ZNF513: variants seen among roughly 807,000 people sequenced by gnomAD.
ZNF513 encodes the protein zinc finger protein 513.
A neutral mutation model predicts 39.7 loss-of-function variants in ZNF513; 16 were observed. The ratio of observed to expected loss-of-function variants is 0.40; its 90% CI spans 0.27 to 0.61. The LOEUF is 0.61. Among genes scored for constraint, ZNF513 ranks in the 20% least tolerant of loss-of-function variants. The probability of loss-of-function intolerance (pLI) is 0.39; values close to 1 mark genes in which losing one functional copy is unlikely to be tolerated. For synonymous variants in ZNF513, 348 were observed against 296.5 expected, an observed-to-expected ratio of 1.17 and a Z score of -1.79; for missense variants, 699 against 743.6, an observed-to-expected ratio of 0.94 and a Z score of 0.70.
At position 27,377,362 on chromosome 2, in the gene ZNF513, CACTG is replaced by C; in HGVS notation, c.*179_*182del. ...GTGGAGGTGAATACAGGGCCCTTCT[CACTG>C]AGCTCGTGAAGTGCCTCAGTCAAGG... On this transcript the variant is annotated 3_prime_UTR_variant, in exon 4 of 4. Coordinates refer to ENST00000323703, the MANE Select transcript of ZNF513 (RefSeq NM_144631.6). This position sits in a 1 kb window ranked among gnomAD's most constrained non-coding sequence, Gnocchi z 4.4. 1 of 729,696 alleles carries C rather than the reference CACTG, an allele frequency of 1.4e-6. No individual in the cohort carries two copies. The highest frequency in any genetic ancestry group is 2.7e-5 in the East Asian group (1 of 37,418). 45.2% of individuals were successfully genotyped at this position (729,696 alleles called of 1,614,324 possible).
chr2:27,378,433 T>A lies in ZNF513; in HGVS notation c.799+34A>T. On this transcript the variant is annotated intron_variant, in intron 3 of 3. Coordinates refer to ENST00000323703, the MANE Select transcript of ZNF513 (RefSeq NM_144631.6). The surrounding 1 kb of genome is among the most constrained non-coding windows in gnomAD (Gnocchi z 8.0). Reference sequence around the variant, plus strand: ...AAGCATTCCTAGGGTCAGCCACCCATGTCCCAAGATCTTTGGTCCCTGGTG... The same window carrying A: ...AAGCATTCCTAGGGTCAGCCACCCAAGTCCCAAGATCTTTGGTCCCTGGTG... 1 of 1,613,600 alleles carries A rather than the reference T, an allele frequency of 6.2e-7. No individual in the cohort carries two copies. Among genetic ancestry groups the A allele is most frequent in the Non-Finnish European group, 8.5e-7 (1 of 1,179,988 alleles).
chr2:27,379,142 G>C, intron 2 of ZNF513, 88 bp from the exon 3 acceptor site: 1 of 1,317,240 alleles, frequency 7.6e-7, no homozygotes, highest in Non-Finnish European at 1.1e-6. Flanking sequence ...CTCCCCACTT[G>C]CTTGGCTCCA....
chr2:27,378,097 T>G lies in ZNF513; in HGVS notation c.1074A>C (p.Lys358Asn). ...AGGGGCAGAGGCTACAGGCAAAGCC[T>G]TTGTCACTGGGGCCCTGGGGCCCCC... The part of the protein sequence containing the change: ...ASGGPQGPSD[K>N]GFACSLCPFA... Residue 358 changes from lysine to asparagine, a missense_variant, in exon 4 of 4, where the codon AAA (lysine) becomes AAC (asparagine). This residue lies in a region of ZNF513 where 530 missense variants were observed against 499.3 expected (regional missense o/e 1.06). Transcript: ENST00000323703. This position sits in a 1 kb window ranked among gnomAD's most constrained non-coding sequence, Gnocchi z 8.0. 1 of 1,613,412 alleles carries G rather than the reference T, an allele frequency of 6.2e-7. No homozygotes were observed. Among genetic ancestry groups the G allele is most frequent in the African/African-American group, 1.3e-5 (1 of 74,986 alleles).
chr2:27,378,953 C>G lies in ZNF513; in HGVS notation c.313G>C (p.Ala105Pro). The part of the protein sequence containing the change: ...LSAESEVEEP[A>P]RGPGEARGER... ...CCCCTGGCCTCCCCTGGACCCCTGG[C>G]TGGCTCCTCAACTTCACTCTCCGCA... Residue 105 changes from alanine (A) to proline (P), a missense_variant, in exon 3 of 4, where the codon GCC becomes CCC. By Grantham distance (27) the Ala-to-Pro change is conservative. Around this residue, in one of 3 missense-constraint regions of ZNF513, gnomAD observed 530 missense variants for 499.3 expected, o/e 1.06. Coordinates refer to ENST00000323703, the MANE Select transcript of ZNF513 (RefSeq NM_144631.6). The surrounding 1 kb of genome is among the most constrained non-coding windows in gnomAD (Gnocchi z 8.0). The G allele has an allele frequency of 6.2e-7, 1 of 1,611,826 alleles. No homozygotes were observed. Among genetic ancestry groups the G allele is most frequent in the South Asian group, 1.1e-5 (1 of 90,988 alleles).
intron 2 of ZNF513, 34 bp downstream of exon 2, chr2:27,380,053 CCAGCGG>C (rs1358559178): frequency 1.2e-6 from 2 of 1,613,676 alleles, no homozygotes. Flanking sequence ...GCTGGGGTCT[CCAGCGG>C]CCGCTAATCC....
Position 27,378,841 on chromosome 2 carries a change from G to A in ZNF513, c.425C>T (p.Pro142Leu), listed in dbSNP as rs200722611. 1.7e-5 allele frequency: 27 copies of A among 1,609,122 alleles called. No individual in the cohort carries two copies. The highest frequency in any genetic ancestry group is 1.7e-6 in the Non-Finnish European group (2 of 1,177,732). Residue 142 changes from proline to leucine, a missense_variant, in exon 3 of 4, where the codon CCC (proline) becomes CTC (leucine). Physicochemically the swap from Pro to Leu is moderately conservative, Grantham distance 98. Around this residue, in one of 3 missense-constraint regions of ZNF513, gnomAD observed 530 missense variants for 499.3 expected, o/e 1.06. Coordinates refer to ENST00000323703, the MANE Select transcript of ZNF513 (RefSeq NM_144631.6). The surrounding 1 kb of genome is among the most constrained non-coding windows in gnomAD (Gnocchi z 8.0). ...CCGAGGPGGG[P>L]LLPPRLLYSC... ...GTACAGTAGCCGTGGGGGCAGCAGG[G>A]GCCCCCCACCCGGCCCTCCTGCCCC...
At position 27,377,423 on chromosome 2, in the gene ZNF513, CCCATGGGGTTGGGCTGGTCCT is replaced by C; in HGVS notation, c.*101_*121del. On this transcript the variant is annotated 3_prime_UTR_variant, in exon 4 of 4. Transcript: ENST00000323703. The surrounding 1 kb of genome is among the most constrained non-coding windows in gnomAD (Gnocchi z 4.4). ...CCCCTGGTCCATATGGGCCCCCCCG[CCCATGGGGTTGGGCTGGTCCT>C]TATAGTGCCTACGTTAGTCTGTGTG... 9.0e-7 allele frequency: 1 copy of C among 1,110,544 alleles called. No individual in the cohort carries two copies. The highest frequency in any genetic ancestry group is 1.9e-5 in the Admixed American group (1 of 51,312). 68.8% of individuals were successfully genotyped at this position (1,110,544 alleles called of 1,614,324 possible).
rs755996916 is a variant in ZNF513 at position 27,378,295 on chromosome 2, C to T, written c.876G>A (p.Leu292=). 6.9e-6 allele frequency: 11 copies of T among 1,600,786 alleles called. No individual in the cohort carries two copies. The highest frequency in any genetic ancestry group is 9.3e-6 in the Non-Finnish European group (11 of 1,179,964). Reference sequence around the variant, plus strand: ...CGCAGAGGCCCTCCCCTTCACCCCGCAGCTGCCCACAGTCTGGCAGGAAAC... The same window carrying T: ...CGCAGAGGCCCTCCCCTTCACCCCGTAGCTGCCCACAGTCTGGCAGGAAAC... ...GASFLPDCGQ[L]RGEGEGLCGT... is the part of the protein sequence containing the mutation. The change falls in exon 4 of 4, where the codon CTG becomes CTA. Residue 292 remains leucine, a synonymous_variant. Coordinates refer to ENST00000323703, the MANE Select transcript of ZNF513 (RefSeq NM_144631.6). The surrounding 1 kb of genome is among the most constrained non-coding windows in gnomAD (Gnocchi z 8.0).
At chr2:27,379,941 G>T in intron 2 of ZNF513, 152 bp downstream of exon 2, 1 of 1,034,756 alleles carries the variant, frequency 9.7e-7, no homozygotes, top group Non-Finnish European at 1.5e-6. Flanking sequence ...GAAGTGATTG[G>T]ACCATTAAAC....
chr2:27,378,697 A>G lies in ZNF513; in HGVS notation c.569T>C (p.Leu190Pro). The change falls in exon 3 of 4, where the codon CTC (leucine) becomes CCC (proline). Residue 190 changes from leucine to proline, a missense_variant. By Grantham distance (98) the Leu-to-Pro change is moderately conservative. Coordinates refer to ENST00000323703, the MANE Select transcript of ZNF513 (RefSeq NM_144631.6). This position sits in a 1 kb window ranked among gnomAD's most constrained non-coding sequence, Gnocchi z 8.0. ...CGRCPYASAQ[L>P]VNLTRHTRTH... is the part of the protein sequence containing the mutation. The stretch of plus-strand genomic sequence containing the variant: ...GCGGGTATGTCGTGTCAGGTTGACG[A>G]GCTGGGCTGAGGCGTAGGGGCAGCG... The G allele has an allele frequency of 6.2e-7, 1 of 1,613,822 alleles. No individual in the cohort carries two copies. Among genetic ancestry groups the G allele is most frequent in the Non-Finnish European group, 8.5e-7 (1 of 1,179,946 alleles).
Position 27,380,488 on chromosome 2 carries a change from T to C in ZNF513, c.39A>G (p.Lys13=), listed in dbSNP as rs1373956272. 4 of 1,553,206 alleles carry C rather than the reference T, an allele frequency of 2.6e-6. No homozygotes were observed. Among genetic ancestry groups the C allele is most frequent in the Non-Finnish European group, 3.5e-6 (4 of 1,138,396 alleles). ...ACCCCTGACCTTTGACCCCCTCGCA[T>C]TTCACGGGCTGCGGGTGGCTTTGCT... ...RRKQSHPQPV[K]CEGVKVDTED... The change falls in exon 1 of 4, where the codon AAA becomes AAG. Residue 13 remains lysine (K), a synonymous_variant. Transcript: ENST00000323703.
Position 27,378,876 on chromosome 2 carries a change from C to T in ZNF513, c.390G>A (p.Gly130=). 6.2e-7 allele frequency: 1 copy of T among 1,603,380 alleles called. No homozygotes were observed. The highest frequency in any genetic ancestry group is 1.1e-5 in the South Asian group (1 of 90,210). The change falls in exon 3 of 4, where the codon GGG becomes GGA. Residue 130 remains glycine, a synonymous_variant. Transcript: ENST00000323703. The surrounding 1 kb of genome is among the most constrained non-coding windows in gnomAD (Gnocchi z 8.0). Reference sequence around the variant, plus strand: ...CCGGCCCTCCTGCCCCACAACACGGCCCCTCACCTGTCGGCCCCCCACACA... The same window carrying T: ...CCGGCCCTCCTGCCCCACAACACGGTCCCTCACCTGTCGGCCCCCCACACA... The part of the protein sequence containing the change: ...CQLCGGPTGE[G]PCCGAGGPGG...
intron 1 of ZNF513, 48 bp downstream of exon 1, chr2:27,380,424 A>G (rs757609441): frequency 6.4e-7 from 1 of 1,574,086 alleles, no homozygotes; most frequent in Non-Finnish European, 8.6e-7. Context: ...AGCCCACTCC[A>G]CTGACCCCAC....
At position 27,377,503 on chromosome 2, in the gene ZNF513, TTCTGGTCCG is replaced by T; in HGVS notation, c.*33_*41del. The T allele has an allele frequency of 6.2e-7, 1 of 1,607,288 alleles. No individual in the cohort carries two copies. The highest frequency in any genetic ancestry group is 8.5e-7 in the Non-Finnish European group (1 of 1,174,670). On this transcript the variant is annotated 3_prime_UTR_variant, in exon 4 of 4. Transcript: ENST00000323703. The surrounding 1 kb of genome is among the most constrained non-coding windows in gnomAD (Gnocchi z 4.4). ...GGCCAGCGGGGGAGAAAAAGGTGGC[TTCTGGTCCG>T]TCTGTATAAAACATGGGGAAGAAGG...
rs1224523183 is a variant in ZNF513 at position 27,377,796 on chromosome 2, G to T, written c.1375C>A (p.Leu459Ile). Residue 459 changes from leucine to isoleucine, a missense_variant, in exon 4 of 4, where the codon CTC (leucine) becomes ATC (isoleucine). By Grantham distance (5) the Leu-to-Ile change is conservative (BLOSUM62 2). Coordinates refer to ENST00000323703, the MANE Select transcript of ZNF513 (RefSeq NM_144631.6). This position sits in a 1 kb window ranked among gnomAD's most constrained non-coding sequence, Gnocchi z 4.4. ...CNYSCNQSMN[L>I]KRHMLRHTGE... The stretch of plus-strand genomic sequence containing the variant: ...GTGTGCCGCAGCATGTGACGTTTGA[G>T]GTTCATGCTCTGGTTGCAGCTGTAG... The T allele has an allele frequency of 6.2e-7, 1 of 1,614,242 alleles. No homozygotes were observed. The highest frequency in any genetic ancestry group is 1.1e-5 in the South Asian group (1 of 91,088).
Position 27,377,299 on chromosome 2 carries a change from C to A in ZNF513, c.*246G>T. On this transcript the variant is annotated 3_prime_UTR_variant, in exon 4 of 4. Coordinates refer to ENST00000323703, the MANE Select transcript of ZNF513 (RefSeq NM_144631.6). The surrounding 1 kb of genome is among the most constrained non-coding windows in gnomAD (Gnocchi z 4.4). ...TTAAATAAACAGGTGGGAGGCTGGG[C>A]AGTCCCCCAGCCGGTTTGTCCACAG... 3.1e-6 allele frequency: 2 copies of A among 643,342 alleles called. No individual in the cohort carries two copies. Among genetic ancestry groups the A allele is most frequent in the South Asian group, 1.7e-5 (1 of 59,292 alleles). 39.9% of individuals were successfully genotyped at this position (643,342 alleles called of 1,614,324 possible). A position where few individuals can be genotyped will look rare whatever the true frequency, so the allele number is the denominator to read the frequency against.
In ZNF513 at chr2:27,378,425, G is replaced by T; in HGVS notation, c.799+42C>A. ...TCCAATCCAAGCATTCCTAGGGTCA[G>T]CCACCCATGTCCCAAGATCTTTGGT... is the stretch of plus-strand genomic sequence containing the variant. On this transcript the variant is annotated intron_variant, in intron 3 of 3. Transcript: ENST00000323703. This position sits in a 1 kb window ranked among gnomAD's most constrained non-coding sequence, Gnocchi z 8.0. The T allele has an allele frequency of 3.1e-6, 5 of 1,613,008 alleles. No homozygotes were observed. Among genetic ancestry groups the T allele is most frequent in the Non-Finnish European group, 4.2e-6 (5 of 1,179,926 alleles).
Position 27,378,996 on chromosome 2 carries a change from C to G in ZNF513, c.270G>C (p.Gly90=). The change falls in exon 3 of 4, where the codon GGG becomes GGC. Residue 90 remains glycine, a synonymous_variant. Transcript: ENST00000323703. The surrounding 1 kb of genome is among the most constrained non-coding windows in gnomAD (Gnocchi z 8.0). ...TCTCCGCACTTAGTGCCCGGCCGCC[C>G]CCAGACTCATCGTCGCTCAGCCCAT... ...LPYGLSDDES[G]GGRALSAESE... 1.2e-6 allele frequency: 2 copies of G among 1,613,254 alleles called. No homozygotes were observed. Among genetic ancestry groups the G allele is most frequent in the Non-Finnish European group, 1.7e-6 (2 of 1,179,998 alleles).
Position 27,377,408 on chromosome 2 carries a change from ATATGG to A in ZNF513, c.*132_*136del. The A allele has an allele frequency of 1.0e-6, 1 of 956,544 alleles. No individual in the cohort carries two copies. Among genetic ancestry groups the A allele is most frequent in the Non-Finnish European group, 1.6e-6 (1 of 615,802 alleles). 59.3% of individuals were successfully genotyped at this position (956,544 alleles called of 1,614,324 possible). On this transcript the variant is annotated 3_prime_UTR_variant, in exon 4 of 4. Transcript: ENST00000323703. The surrounding 1 kb of genome is among the most constrained non-coding windows in gnomAD (Gnocchi z 4.4). ...CAGTCAAGGCAAGGTCCCCTGGTCC[ATATGG>A]GCCCCCCCGCCCATGGGGTTGGGCT...
Sources: allele counts gnomAD v4.1 joint callset, GRCh38; gene constraint gnomAD v4.1.1; regional missense constraint gnomAD v4.1.1; non-coding constraint Gnocchi (gnomAD v3.1); transcripts MANE v1.5; gene names NCBI Gene and HGNC (gene_info 2026-07-23, HGNC 2026-07-21).